The following KIAA1671 variants were observed in gnomAD, a reference collection of about 807,000 sequenced individuals.
The protein encoded by KIAA1671 is uncharacterized protein KIAA1671.
KIAA1671 carries 52 observed loss-of-function variants against 131.2 expected under a neutral mutation model. That is an observed-to-expected ratio of 0.40 (90% CI 0.32 to 0.50). The LOEUF (loss-of-function observed/expected upper bound fraction) is 0.50. Ranked by LOEUF, KIAA1671 falls within the 20% of genes least tolerant of loss-of-function variation. The probability of loss-of-function intolerance (pLI) is 0.73; values close to 1 mark genes in which losing one functional copy is unlikely to be tolerated. For missense variants in KIAA1671, 2,360 were observed against 2,364.2 expected (o/e 1.00, Z 0.04); for synonymous variants, 1,003 against 961.6 (o/e 1.04, Z -0.80).
At position 25,174,336 on chromosome 22, in the gene KIAA1671, C is replaced by T. The variant is rs1933950451; in HGVS notation, c.4746C>T (p.Thr1582=). The change falls in exon 8 of 13, where the codon ACC becomes ACT. Residue 1582 remains threonine, a synonymous_variant. Coordinates refer to ENST00000358431, the MANE Select transcript of KIAA1671 (RefSeq NM_001145206.2). ...LSSLSSQTEP[T]SAGDQYDCSR... is the part of the protein sequence containing the mutation. Reference sequence around the variant, plus strand: ...CTCTGTCCTCCCAAACGGAGCCCACCTCGGCAGGGGACCAGTATGACTGCT... The same window carrying T: ...CTCTGTCCTCCCAAACGGAGCCCACTTCGGCAGGGGACCAGTATGACTGCT... 2 of 1,552,054 alleles carry T rather than the reference C, an allele frequency of 1.3e-6. No homozygotes were observed. Among genetic ancestry groups the T allele is most frequent in the Non-Finnish European group, 1.7e-6 (2 of 1,147,072 alleles).
In KIAA1671 at chr22:25,174,462, G is replaced by A. The variant is rs1358736914; in HGVS notation, c.4872G>A (p.Lys1624=). 1 of 1,534,836 alleles carries A rather than the reference G, an allele frequency of 6.5e-7. No homozygotes were observed. Among genetic ancestry groups the A allele is most frequent in the Admixed American group, 2.0e-5 (1 of 48,948 alleles). Residue 1624 remains lysine (K), a synonymous_variant, in exon 8 of 13, where the codon AAG becomes AAA. Coordinates refer to ENST00000358431, the MANE Select transcript of KIAA1671 (RefSeq NM_001145206.2). ...GPPPPDACPE[K]RVDDFSFIDQ... Reference sequence around the variant, plus strand: ...CTCCACCGGACGCCTGCCCTGAAAAGAGAGTAGATGACTTCTCCTTCATTG... The same window carrying A: ...CTCCACCGGACGCCTGCCCTGAAAAAAGAGTAGATGACTTCTCCTTCATTG...
chr22:25,093,834 G>GTCTCTCTCTCTTTCTCTC (rs1568951583), intron 6 of KIAA1671, among the ~76,000 whole-genome samples: 1 of 16,942 alleles, frequency 5.9e-5, no homozygotes, highest in Admixed American at 5.7e-4. Context: ...TTCTCTCTCT[G>GTCTCTCTCTCTTTCTCTC]TCTGTCTCTC....
intron 3 of KIAA1671, among the ~76,000 whole-genome samples, chr22:25,030,650 T>C (rs981398549): frequency 5.9e-5 from 9 of 152,254 alleles, no homozygotes; most frequent in Non-Finnish European, 1.0e-4. Context: ...ATAATGATAT[T>C]CTAAGTCAGA....
intron 1 of KIAA1671, among the ~76,000 whole-genome samples, chr22:24,978,705 TGA>T (rs1923045285): frequency 6.6e-6 from 1 of 151,978 alleles, no homozygotes; most frequent in Non-Finnish European, 1.5e-5. Context: ...TGTTTTGTTT[TGA>T]GAGTCTCACT....
chr22:24,998,737 A>G (rs971691610), intron 1 of KIAA1671, among the ~76,000 whole-genome samples: 2 of 148,524 alleles, frequency 1.3e-5, no homozygotes, highest in Non-Finnish European at 3.0e-5. Flanking sequence ...AAAAAAAAAG[A>G]AATTGCATTT....
At chr22:24,956,927 AAACC>A (rs1490164987) in intron 1 of KIAA1671, among the ~76,000 whole-genome samples, 1 of 151,348 alleles carries the variant, frequency 6.6e-6, no homozygotes, top group Non-Finnish European at 1.5e-5. Flanking sequence ...AGTCCAGGGC[AAACC>A]CTGGCCCTGC....
chr22:24,978,577 C>T (rs755379097), intron 1 of KIAA1671, among the ~76,000 whole-genome samples: 2 of 152,158 alleles, frequency 1.3e-5, no homozygotes, highest in Admixed American at 1.3e-4. Flanking sequence ...GTTTTGAACT[C>T]AGGCAGCTGG....
At chr22:25,093,752 C>CTT (rs1568951055) in intron 6 of KIAA1671, among the ~76,000 whole-genome samples, 6,743 of 53,448 alleles carry the variant, frequency 0.13, 296 homozygotes, top group African/African-American at 0.25. Flanking sequence ...CTCTCTCTCT[C>CTT]TCTCTCTCTC....
chr22:24,991,927 C>G (rs1923861350), intron 1 of KIAA1671, among the ~76,000 whole-genome samples: 1 of 152,100 alleles, frequency 6.6e-6, no homozygotes, highest in Admixed American at 6.5e-5. Flanking sequence ...GTTATTTCCT[C>G]TGGTGTGGGG....
chr22:25,114,292 C>T (rs1931544747), intron 6 of KIAA1671, among the ~76,000 whole-genome samples: 1 of 152,226 alleles, frequency 6.6e-6, no homozygotes, highest in African/African-American at 2.4e-5. Flanking sequence ...TCTTAAGCCT[C>T]AGTTTCTTCC....
At chr22:25,118,796 G>A (rs1324009736) in intron 6 of KIAA1671, among the ~76,000 whole-genome samples, 3 of 152,038 alleles carry the variant, frequency 2.0e-5, no homozygotes, top group Admixed American at 6.6e-5. Flanking sequence ...TGTCCTTTAT[G>A]CTCACTCTGA....
intron 4 of KIAA1671, among the ~76,000 whole-genome samples, chr22:25,033,573 C>CGTTTTTTTTTT (rs1926409461): frequency 5.6e-5 from 4 of 71,660 alleles, no homozygotes; most frequent in Admixed American, 1.4e-4. Flanking sequence ...GGTTTGTTTT[C>CGTTTTTTTTTT]GTTTTTTTTT....
intron 6 of KIAA1671, chr22:25,112,764 C>T: frequency 5.5e-6 from 1 of 183,022 alleles, no homozygotes; most frequent in Non-Finnish European, 1.1e-5. Context: ...ACACCCCAAC[C>T]CCCGACACGA....
intron 6 of KIAA1671, among the ~76,000 whole-genome samples, chr22:25,117,621 A>T (rs1373118988): frequency 6.6e-6 from 1 of 151,504 alleles, no homozygotes; most frequent in East Asian, 1.9e-4. Context: ...ACACACACAC[A>T]CACACACACA....
Position 25,008,153 on chromosome 22 carries a change from G to A in KIAA1671, c.-207-17480G>A, listed in dbSNP as rs143323920. Among the ~76,000 whole-genome samples the A allele has an allele frequency of 5.7e-3, 791 of 138,634 alleles. 6 individuals carry two copies. Among genetic ancestry groups the A allele is most frequent in the African/African-American group, 0.021 (762 of 36,820 alleles). 90.9% of individuals were successfully genotyped at this position (138,634 alleles called of 152,430 possible). A position where few individuals can be genotyped will look rare whatever the true frequency, so the allele number is the denominator to read the frequency against. The stretch of plus-strand genomic sequence containing the variant: ...GTGGAGGTTGCAGTGAACTGGGATC[G>A]CGCCACTGCACTCCAGCCTGAGAGA... On this transcript the variant is annotated intron_variant, in intron 1 of 12. Transcript: ENST00000358431.
chr22:25,093,733 A>ATTT (rs1930156878), intron 6 of KIAA1671, among the ~76,000 whole-genome samples: 5 of 33,222 alleles, frequency 1.5e-4, no homozygotes, highest in African/African-American at 1.0e-3. Context: ...ACACACACAC[A>ATTT]CACACTCTCT....
intron 6 of KIAA1671, among the ~76,000 whole-genome samples, chr22:25,076,643 T>C (rs370544861): frequency 6.6e-6 from 1 of 152,204 alleles, no homozygotes; most frequent in Admixed American, 6.5e-5. Flanking sequence ...AGTTATTTAA[T>C]CTCCTTTGTT....
chr22:25,117,503 G>A (rs1382769989), intron 6 of KIAA1671, among the ~76,000 whole-genome samples: 1 of 151,860 alleles, frequency 6.6e-6, no homozygotes, highest in Non-Finnish European at 1.5e-5. Context: ...GCCCAAGGCC[G>A]AGTGGGAGTA....
chr22:25,177,198 G>T lies in KIAA1671; in HGVS notation c.4900-150G>T, dbSNP rs186092252. 14 of 711,064 alleles carry T rather than the reference G, an allele frequency of 2.0e-5. No homozygotes were observed. The East Asian group carries it at 3.6e-4, about 18-fold the overall frequency. The allele number at this position is 711,064 out of a possible 1,614,324, so 44.0% of individuals were successfully genotyped here. ...GGGAAATTTAGGCTTTGGGTGTTAG[G>T]TTACTATTAAAATGTGGAAGCCCTG... On this transcript the variant is annotated intron_variant, in intron 8 of 12. Transcript: ENST00000358431.
Sources: allele counts gnomAD v4.1 joint callset (sites outside exome capture counted in the v4.1 genomes callset), GRCh38; gene constraint gnomAD v4.1.1; transcripts MANE v1.5; gene names NCBI Gene and HGNC (gene_info 2026-07-23, HGNC 2026-07-21).